HS3ST4: variants seen among roughly 807,000 people sequenced by gnomAD.
HS3ST4 encodes the protein heparan sulfate glucosamine 3-O-sulfotransferase 4.
In HS3ST4, 17 loss-of-function variants were observed where a neutral mutation model predicts 29.2. The ratio of observed to expected loss-of-function variants is 0.58; its 90% CI spans 0.40 to 0.87. HS3ST4 has a LOEUF of 0.87. Among genes scored for constraint, HS3ST4 ranks in the 40% least tolerant of loss-of-function variants. The probability of loss-of-function intolerance (pLI) is 0.00; values close to 1 mark genes in which losing one functional copy is unlikely to be tolerated. For synonymous variants in HS3ST4, 314 were observed against 285.7 expected (o/e 1.10, Z -1.00); for missense variants, 627 against 634.5 (o/e 0.99, Z 0.13).
At chr16:25,863,177 G>A (rs1967655990) in intron 1 of HS3ST4, among the ~76,000 whole-genome samples, 1 of 152,062 alleles carries the variant, frequency 6.6e-6, no homozygotes, top group Admixed American at 6.6e-5. Flanking sequence ...TCTGCCTCCA[G>A]GGTTCAAGCA....
chr16:25,909,575 G>A (rs1246447852), intron 1 of HS3ST4, among the ~76,000 whole-genome samples: 2 of 150,966 alleles, frequency 1.3e-5, no homozygotes, highest in Admixed American at 1.3e-4. Flanking sequence ...CAGTTGGGAG[G>A]AGCTAGGGAA....
intron 1 of HS3ST4, among the ~76,000 whole-genome samples, chr16:25,983,017 A>G (rs1969023994): frequency 6.6e-6 from 1 of 152,308 alleles, no homozygotes; most frequent in Admixed American, 6.5e-5. Flanking sequence ...TAGCATCCCT[A>G]CCCTCATGGA....
chr16:25,886,628 T>C (rs979203647), intron 1 of HS3ST4: 2 of 152,232 alleles, frequency 1.3e-5, no homozygotes, highest in African/African-American at 4.8e-5. Context: ...AAACAAGTTC[T>C]TTAAGAGCTT....
chr16:26,097,486 G>C (rs1898940416), intron 1 of HS3ST4, among the ~76,000 whole-genome samples: 2 of 152,168 alleles, frequency 1.3e-5, no homozygotes, highest in African/African-American at 2.4e-5. Context: ...ATAGGAAAAG[G>C]ATTCCCTATT....
At chr16:26,097,133 A>C (rs1898934693) in intron 1 of HS3ST4, among the ~76,000 whole-genome samples, 1 of 152,250 alleles carries the variant, frequency 6.6e-6, no homozygotes, top group Non-Finnish European at 1.5e-5. Context: ...AGGAAGAATC[A>C]ATACCATGAA....
At position 26,051,881 on chromosome 16, in the gene HS3ST4, C is replaced by T. The variant is rs571152738; in HGVS notation, c.735-83731C>T. On this transcript the variant is annotated intron_variant, in intron 1 of 1. Transcript: ENST00000331351. Reference sequence around the variant, plus strand: ...TTCTCCTTCCCTGCCTCCCTCCCTGCCTCCCTCCCTCCCTCCCTCCCTCCC... The same window carrying T: ...TTCTCCTTCCCTGCCTCCCTCCCTGTCTCCCTCCCTCCCTCCCTCCCTCCC... Among the ~76,000 whole-genome samples the T allele has an allele frequency of 2.3e-3, 195 of 85,604 alleles. 3 individuals carry two copies. The highest frequency in any genetic ancestry group is 0.015 in the African/African-American group (188 of 12,730). The allele number at this position is 85,604 out of a possible 152,430, so 56.2% of individuals were successfully genotyped here.
chr16:25,967,433 C>T (rs980094321), intron 1 of HS3ST4, among the ~76,000 whole-genome samples: 2 of 152,136 alleles, frequency 1.3e-5, no homozygotes, highest in Non-Finnish European at 2.9e-5. Context: ...GAATTACAGG[C>T]GTGAGCCACC....
intron 1 of HS3ST4, among the ~76,000 whole-genome samples, chr16:25,962,098 C>G (rs1567282223): frequency 6.6e-6 from 1 of 152,156 alleles, no homozygotes; most frequent in African/African-American, 2.4e-5. Flanking sequence ...ACAAGTAGGC[C>G]TTGAACACAC....
chr16:25,961,079 G>A (rs901378047), intron 1 of HS3ST4, among the ~76,000 whole-genome samples: 1 of 152,146 alleles, frequency 6.6e-6, no homozygotes, highest in African/African-American at 2.4e-5. Context: ...TGGCCTCAAT[G>A]CAGTCTCTGG....
At chr16:26,091,494 G>A (rs1357628375) in intron 1 of HS3ST4, among the ~76,000 whole-genome samples, 1 of 152,158 alleles carries the variant, frequency 6.6e-6, no homozygotes, top group Admixed American at 6.5e-5. Flanking sequence ...ATTTGCTCCT[G>A]TGGCCCAATT....
At chr16:25,990,312 G>A (rs904417495) in intron 1 of HS3ST4, among the ~76,000 whole-genome samples, 6 of 152,184 alleles carry the variant, frequency 3.9e-5, no homozygotes, top group African/African-American at 1.4e-4. Context: ...AGGGTATGAT[G>A]AGCTTTGTGA....
At chr16:25,903,901 A>C (rs1485163543) in intron 1 of HS3ST4, among the ~76,000 whole-genome samples, 1 of 152,206 alleles carries the variant, frequency 6.6e-6, no homozygotes, top group African/African-American at 2.4e-5. Context: ...TATTTTCCAA[A>C]CTTGACGTAT....
At chr16:26,093,967 G>A (rs796289773) in intron 1 of HS3ST4, among the ~76,000 whole-genome samples, 7 of 152,314 alleles carry the variant, frequency 4.6e-5, no homozygotes, top group African/African-American at 1.4e-4. Flanking sequence ...CGTGATGCAT[G>A]CACAAGCTTC....
chr16:25,693,318 G>A (rs1966271183), intron 1 of HS3ST4, among the ~76,000 whole-genome samples, 167 bp downstream of exon 1: 1 of 152,180 alleles, frequency 6.6e-6, no homozygotes, highest in Admixed American at 6.5e-5. Flanking sequence ...TCGGCTGAGA[G>A]GGCTGGACTC....
At chr16:26,099,690 G>A (rs2141795762) in intron 1 of HS3ST4, among the ~76,000 whole-genome samples, 1 of 152,248 alleles carries the variant, frequency 6.6e-6, no homozygotes, top group African/African-American at 2.4e-5. Flanking sequence ...TATGTCCCAG[G>A]TACTAGGAAT....
At chr16:25,953,192 G>A (rs1375315555) in intron 1 of HS3ST4, among the ~76,000 whole-genome samples, 2 of 152,126 alleles carry the variant, frequency 1.3e-5, no homozygotes, top group African/African-American at 2.4e-5. Flanking sequence ...AGCTTGTGTC[G>A]AGGAGCAGGT....
At chr16:25,770,968 TG>T (rs1334320018) in intron 1 of HS3ST4, among the ~76,000 whole-genome samples, 1 of 151,906 alleles carries the variant, frequency 6.6e-6, no homozygotes, top group Non-Finnish European at 1.5e-5. Context: ...TCACTTATTA[TG>T]GTCCAACAGC....
At chr16:25,765,795 G>A (rs1014776604) in intron 1 of HS3ST4, among the ~76,000 whole-genome samples, 1 of 152,042 alleles carries the variant, frequency 6.6e-6, no homozygotes, top group East Asian at 1.9e-4. Context: ...TGAGTCAGGT[G>A]CCCCATGTAG....
chr16:25,797,506 C>G (rs2141622566), intron 1 of HS3ST4, among the ~76,000 whole-genome samples: 1 of 152,206 alleles, frequency 6.6e-6, no homozygotes, highest in African/African-American at 2.4e-5. Context: ...GCTTAGGACA[C>G]CAAAGACAGC....
Sources: gnomAD v4.1 joint callset for allele counts (sites outside exome capture counted in the v4.1 genomes callset) on GRCh38, gnomAD v4.1.1 for gene constraint, MANE v1.5 for transcripts, NCBI Gene and HGNC (gene_info 2026-07-23, HGNC 2026-07-21) for gene names.